PDE8A: variants seen among roughly 807,000 people sequenced by gnomAD.
PDE8A encodes the protein high affinity cAMP-specific and IBMX-insensitive 3',5'-cyclic phosphodiesterase 8A.
Under a neutral mutation model 105.0 loss-of-function variants are expected in PDE8A, and 59 were observed. That is an observed-to-expected ratio of 0.56 (90% CI 0.46 to 0.70). The LOEUF is 0.70. Ranked by LOEUF, PDE8A falls within the 30% of genes least tolerant of loss-of-function variation. The probability of loss-of-function intolerance (pLI) is 0.00; values close to 1 mark genes in which losing one functional copy is unlikely to be tolerated. For synonymous variants in PDE8A, 355 were observed against 371.9 expected, an observed-to-expected ratio of 0.95 and a Z score of 0.52; for missense variants, 1,014 against 1,045.9, an observed-to-expected ratio of 0.97 and a Z score of 0.42.
chr15:84,980,909 C>G (rs1001484965), upstream of PDE8A, among the ~76,000 whole-genome samples: 3 of 152,202 alleles, frequency 2.0e-5, no homozygotes, highest in African/African-American at 4.8e-5. Context: ...TAATCCGAGG[C>G]GTGGCGCGCC....
At chr15:85,015,721 A>C (rs1391660083) in intron 1 of PDE8A, among the ~76,000 whole-genome samples, 1 of 151,920 alleles carries the variant, frequency 6.6e-6, no homozygotes, top group Non-Finnish European at 1.5e-5. Flanking sequence ...TTTTTTGTTA[A>C]CTATCTGTCC....
At chr15:85,068,692 C>T (rs941426229) in intron 3 of PDE8A, among the ~76,000 whole-genome samples, 6 of 151,950 alleles carry the variant, frequency 3.9e-5, no homozygotes, top group Admixed American at 1.3e-4. Flanking sequence ...AAATGGCTGC[C>T]GAGATAGAAG....
At chr15:85,113,837 G>C in intron 13 of PDE8A, 36 bp from the exon 14 acceptor site, 3 of 1,542,772 alleles carry the variant, frequency 1.9e-6, no homozygotes, top group Non-Finnish European at 2.7e-6. Context: ...TGTTTTTAAG[G>C]TTATGAAACT....
At position 84,982,267 on chromosome 15, in the gene PDE8A, G is replaced by A. The variant is rs763927760; in HGVS notation, c.105G>A (p.Gln35=). 1.4e-6 allele frequency: 2 copies of A among 1,446,986 alleles called. No homozygotes were observed. The highest frequency in any genetic ancestry group is 5.5e-5 in the Admixed American group (2 of 36,038). 89.6% of individuals were successfully genotyped at this position (1,446,986 alleles called of 1,614,324 possible). A position where few individuals can be genotyped will look rare whatever the true frequency, so the allele number is the denominator to read the frequency against. Residue 35 remains glutamine (Q), a synonymous_variant, in exon 1 of 22, where the codon CAG becomes CAA. Transcript: ENST00000394553. ...CGTCCGGCGGGCCGCGCCTCCCGCA[G>A]GGCCAGAAGACGGCCGCCTTGCCCC... is the stretch of plus-strand genomic sequence containing the variant. The part of the protein sequence containing the change: ...PLSSGGPRLP[Q]GQKTAALPRT...
At chr15:85,017,101 A>G (rs960371047) in intron 1 of PDE8A, among the ~76,000 whole-genome samples, 2 of 150,720 alleles carry the variant, frequency 1.3e-5, no homozygotes, top group African/African-American at 4.9e-5. Context: ...CTCTACTAAA[A>G]ATACAAAAAA....
upstream of PDE8A, among the ~76,000 whole-genome samples, chr15:84,980,863 C>A (rs980004606): frequency 2.6e-5 from 4 of 152,194 alleles, no homozygotes; most frequent in African/African-American, 9.6e-5. Context: ...GCAGCCTGCC[C>A]GGTGCTGTAG....
chr15:85,119,468 C>CAAAATAAAAAAAAAAAAAAAAAAAAAAA (rs2082145940), intron 17 of PDE8A, among the ~76,000 whole-genome samples: 1 of 58,574 alleles, frequency 1.7e-5, no homozygotes, highest in Non-Finnish European at 3.1e-5. Flanking sequence ...ACTCTCGTCT[C>CAAAATAAAAAAAAAAAAAAAAAAAAAAA]AAAAAAAAAA....
intron 3 of PDE8A, among the ~76,000 whole-genome samples, chr15:85,074,997 G>A (rs560909632): frequency 2.6e-4 from 39 of 152,290 alleles, no homozygotes; most frequent in African/African-American, 8.9e-4. Context: ...GGTCTGGGGT[G>A]AGTTCCTTTC....
Position 85,083,662 on chromosome 15 carries a change from G to A in PDE8A, c.635+18G>A, listed in dbSNP as rs762349217. 1 of 1,550,414 alleles carries A rather than the reference G, an allele frequency of 6.4e-7. No individual in the cohort carries two copies. The highest frequency in any genetic ancestry group is 8.9e-7 in the Non-Finnish European group (1 of 1,122,122). On this transcript the variant is annotated intron_variant, in intron 6 of 21. Transcript: ENST00000394553. ...AAACTCAGGTAATTCTACCACTTCT[G>A]GAAAGCCCTCCAGGCCATACAGGGC...
chr15:85,062,174 G>A (rs1262586251), intron 1 of PDE8A, among the ~76,000 whole-genome samples: 1 of 152,126 alleles, frequency 6.6e-6, no homozygotes, highest in African/African-American at 2.4e-5. Flanking sequence ...GTGAATTTGT[G>A]TTGAAAACTG....
At position 85,120,970 on chromosome 15, in the gene PDE8A, G is replaced by C; in HGVS notation, c.1908G>C (p.Leu636=). 1 of 1,613,690 alleles carries C rather than the reference G, an allele frequency of 6.2e-7. No homozygotes were observed. Among genetic ancestry groups the C allele is most frequent in the Non-Finnish European group, 8.5e-7 (1 of 1,179,770 alleles). ...ESHHAALAFQ[L]TTGDDKCNIF... is the part of the protein sequence containing the mutation. ...ACCATGCGGCCTTGGCCTTCCAGCT[G>C]ACCACTGGAGATGATAAATGCAATA... Residue 636 remains leucine (L), a synonymous_variant, in exon 18 of 22, where the codon CTG becomes CTC. Transcript: ENST00000394553.
chr15:85,060,064 T>A (rs2081119681), intron 1 of PDE8A, among the ~76,000 whole-genome samples: 1 of 152,216 alleles, frequency 6.6e-6, no homozygotes, highest in African/African-American at 2.4e-5. Context: ...CATTTTGCTA[T>A]TTGTTTTTCT....
At chr15:85,121,310 G>A (rs35457936) in intron 18 of PDE8A, among the ~76,000 whole-genome samples, 21,761 of 151,206 alleles carry the variant, frequency 0.14, 2,008 homozygotes, top group Middle Eastern at 0.24. Flanking sequence ...CCAGCTACTC[G>A]GGAGGCTAAG....
chr15:85,118,631 A>G (rs1442738162), intron 17 of PDE8A, among the ~76,000 whole-genome samples: 7 of 152,178 alleles, frequency 4.6e-5, no homozygotes, highest in African/African-American at 1.7e-4. Flanking sequence ...ACTCACCTCA[A>G]CAATGAGCTC....
chr15:85,003,872 A>G (rs1262958022), intron 1 of PDE8A, among the ~76,000 whole-genome samples: 3 of 152,214 alleles, frequency 2.0e-5, no homozygotes, highest in African/African-American at 7.2e-5. Flanking sequence ...TTCAGGGACT[A>G]AGGCTCCTTC....
At position 85,113,463 on chromosome 15, in the gene PDE8A, G is replaced by T. The variant is rs1166810346; in HGVS notation, c.1185+16G>T. The stretch of plus-strand genomic sequence containing the variant: ...CATCACCAAGGTGAAGCAGTTTGTG[G>T]TCTGTCTCCATTGAGCACACATACT... On this transcript the variant is annotated intron_variant, in intron 13 of 21. Coordinates refer to ENST00000394553, the MANE Select transcript of PDE8A (RefSeq NM_002605.3). The T allele has an allele frequency of 2.5e-6, 4 of 1,605,508 alleles. No individual in the cohort carries two copies. The highest frequency in any genetic ancestry group is 3.4e-6 in the Non-Finnish European group (4 of 1,172,074).
intron 1 of PDE8A, 84 bp downstream of exon 1, chr15:84,982,432 C>CCCCCCCACCCGGCCTCGGTG: frequency 2.4e-6 from 2 of 841,384 alleles, no homozygotes; most frequent in South Asian, 6.9e-5. Context: ...CGGGCGGGGT[C>CCCCCCCACCCGGCCTCGGTG]CCCCCCACCC....
At chr15:85,134,539 C>A (rs2082376334) in intron 20 of PDE8A, among the ~76,000 whole-genome samples, 1 of 43,176 alleles carries the variant, frequency 2.3e-5, no homozygotes, top group African/African-American at 3.3e-4. Flanking sequence ...GGCCAGCGTT[C>A]CCCACTCCTC....
intron 1 of PDE8A, among the ~76,000 whole-genome samples, chr15:85,011,129 T>C (rs1260101185): frequency 2.6e-5 from 4 of 152,176 alleles, no homozygotes; most frequent in Non-Finnish European, 5.9e-5. Context: ...CTATGTTGAT[T>C]TTTCTCTGAA....
Sources: gnomAD v4.1 joint callset for allele counts (sites outside exome capture counted in the v4.1 genomes callset) on GRCh38, gnomAD v4.1.1 for gene constraint, MANE v1.5 for transcripts, NCBI Gene and HGNC (gene_info 2026-07-23, HGNC 2026-07-21) for gene names.